HK1: variants seen among roughly 807,000 people sequenced by gnomAD.
HK1 encodes hexokinase-1.
A neutral mutation model predicts 91.6 loss-of-function variants in HK1; 28 were observed. The ratio of observed to expected loss-of-function variants is 0.31; its 90% CI spans 0.23 to 0.42. The LOEUF is 0.42. HK1 is among the 10% of genes least tolerant of loss of function. The probability of loss-of-function intolerance (pLI) is 1.00; values close to 1 mark genes in which losing one functional copy is unlikely to be tolerated. For synonymous variants in HK1, 430 were observed against 468.1 expected (o/e 0.92, Z 1.05); for missense variants, 770 against 1,219.8 (o/e 0.63, Z 5.49).
At chr10:69,294,565 T>C (rs1187810900) in intron 3 of HK1, among the ~76,000 whole-genome samples, 1 of 151,766 alleles carries the variant, frequency 6.6e-6, no homozygotes, top group Non-Finnish European at 1.5e-5. Flanking sequence ...GTACAAAAAC[T>C]AAAAAATGTG....
intron 8 of HK1, among the ~76,000 whole-genome samples, chr10:69,378,660 C>T (rs10128334): frequency 0.28 from 42,372 of 151,758 alleles, 6,615 homozygotes; most frequent in African/African-American, 0.43. Flanking sequence ...CCTCAGGTGA[C>T]CCTCCCACTT....
At chr10:69,350,361 T>C (rs960237668) in intron 2 of HK1, among the ~76,000 whole-genome samples, 3 of 152,224 alleles carry the variant, frequency 2.0e-5, no homozygotes, top group African/African-American at 7.2e-5. Context: ...TATCTTGTTG[T>C]CCTTAACAGA....
At chr10:69,310,652 T>C (rs1846328637) in intron 5 of HK1, among the ~76,000 whole-genome samples, 1 of 152,172 alleles carries the variant, frequency 6.6e-6, no homozygotes, top group South Asian at 2.1e-4. Context: ...GAGCAGCCAG[T>C]AGCCCATGAC....
chr10:69,395,439 G>A (rs1232611827), intron 16 of HK1, among the ~76,000 whole-genome samples: 6 of 152,122 alleles, frequency 3.9e-5, no homozygotes, highest in Admixed American at 6.5e-5. Flanking sequence ...TTAGCTGGGT[G>A]TGGTGGCATA....
chr10:69,346,263 T>C (rs1848554292), intron 2 of HK1, among the ~76,000 whole-genome samples: 1 of 152,234 alleles, frequency 6.6e-6, no homozygotes, highest in Admixed American at 6.5e-5. Flanking sequence ...GAATTAGTGG[T>C]AATCCCAAAC....
rs191716659 is a variant in HK1, at chr10:69,297,805, A to G, written c.-67+2125A>G. ...CAACTACTTGGGAGGCTGAGGCACG[A>G]GAATCGCTTGAACCTGGGAGGCGGA... On this transcript the variant is annotated intron_variant, in intron 4 of 21. Coordinates refer to the HK1 transcript ENST00000360289. Among the ~76,000 whole-genome samples, 12 of 151,312 alleles carry G rather than the reference A, an allele frequency of 7.9e-5. No individual in the cohort carries two copies. In the East Asian group the frequency reaches 2.3e-3, roughly 29 times the overall value.
chr10:69,369,700 G>A lies in HK1; in HGVS notation c.875+76G>A. On this transcript the variant is annotated intron_variant, in intron 7 of 17. Coordinates refer to ENST00000359426, the MANE Select transcript of HK1 (RefSeq NM_000188.3). This position sits in a 1 kb window ranked among gnomAD's most constrained non-coding sequence, Gnocchi z 4.4. ...TGATGAAAGATTTGGGATGGGAGATGAAAAGGGCATAAAGCCAAGTGATCA... is the reference window on the plus strand; with the variant it reads ...TGATGAAAGATTTGGGATGGGAGATAAAAAGGGCATAAAGCCAAGTGATCA... 1.5e-6 allele frequency: 2 copies of A among 1,356,654 alleles called. No individual in the cohort carries two copies. Among genetic ancestry groups the A allele is most frequent in the South Asian group, 2.4e-5 (2 of 81,762 alleles). 84.0% of individuals were successfully genotyped at this position (1,356,654 alleles called of 1,614,324 possible).
At chr10:69,278,271 A>C (rs974421124) in intron 1 of HK1, among the ~76,000 whole-genome samples, 1 of 152,208 alleles carries the variant, frequency 6.6e-6, no homozygotes, top group Non-Finnish European at 1.5e-5. Context: ...TGCTTACACT[A>C]TGGCTGCCTG....
chr10:69,398,854 C>T (rs371757180), intron 17 of HK1, 26 bp downstream of exon 17: 38 of 1,552,994 alleles, frequency 2.4e-5, no homozygotes, highest in Non-Finnish European at 2.8e-5. Context: ...AGTTGGGATG[C>T]GCAGAGCTTG....
chr10:69,337,979 CGG>C (rs1848077883), intron 1 of HK1: 1 of 154,224 alleles, frequency 6.5e-6, no homozygotes, highest in Admixed American at 6.4e-5. Flanking sequence ...GGGCTGGGGT[CGG>C]GCACAGAAAT....
At chr10:69,375,369 T>C (rs1214401983) in intron 7 of HK1, among the ~76,000 whole-genome samples, 2 of 152,206 alleles carry the variant, frequency 1.3e-5, no homozygotes, top group Non-Finnish European at 2.9e-5. Flanking sequence ...GTAGTGGCTC[T>C]GCCAGGCCTC....
chr10:69,401,273 A>C lies in HK1; in HGVS notation c.*138A>C. 7 of 864,882 alleles carry C rather than the reference A, an allele frequency of 8.1e-6. No homozygotes were observed. Among genetic ancestry groups the C allele is most frequent in the Non-Finnish European group, 1.3e-5 (7 of 539,078 alleles). The allele number at this position is 864,882 out of a possible 1,614,324, so 53.6% of individuals were successfully genotyped here. A position where few individuals can be genotyped will look rare whatever the true frequency, so the allele number is the denominator to read the frequency against. Reference sequence around the variant, plus strand: ...CGGGGAGGAAAGCAAAATCCAACTAATGGTATATATTGTAGGGTACAGAAT... The same window carrying C: ...CGGGGAGGAAAGCAAAATCCAACTACTGGTATATATTGTAGGGTACAGAAT... On this transcript the variant is annotated 3_prime_UTR_variant, in exon 18 of 18. Transcript: ENST00000359426.
intron 3 of HK1, among the ~76,000 whole-genome samples, chr10:69,294,111 T>C (rs1333401813): frequency 1.3e-5 from 2 of 152,054 alleles, no homozygotes; most frequent in South Asian, 2.1e-4. Flanking sequence ...TCCACCCGCC[T>C]CGGCCTCCCA....
chr10:69,395,625 T>C (rs1159930020), intron 16 of HK1, among the ~76,000 whole-genome samples: 1 of 152,176 alleles, frequency 6.6e-6, no homozygotes, highest in Non-Finnish European at 1.5e-5. Flanking sequence ...CCATCCTTTA[T>C]GTTGGGGCAT....
At chr10:69,284,748 C>G (rs1268353133) in intron 2 of HK1, among the ~76,000 whole-genome samples, 2 of 152,202 alleles carry the variant, frequency 1.3e-5, no homozygotes, top group Non-Finnish European at 2.9e-5. Flanking sequence ...AAGTGATTCT[C>G]CTGCCTCAGC....
At chr10:69,343,043 G>A (rs1848370361) in intron 1 of HK1, among the ~76,000 whole-genome samples, 1 of 152,160 alleles carries the variant, frequency 6.6e-6, no homozygotes, top group Admixed American at 6.5e-5. Context: ...TTGACTCGGA[G>A]GTGCAGGGCC....
intron 1 of HK1, among the ~76,000 whole-genome samples, chr10:69,271,798 G>A (rs997332514): frequency 1.3e-5 from 2 of 152,000 alleles, no homozygotes; most frequent in African/African-American, 4.8e-5. Flanking sequence ...AAGTCCTGAT[G>A]AGTGTAAACA....
chr10:69,382,057 G>C (rs1482470776), intron 9 of HK1, among the ~76,000 whole-genome samples: 3 of 152,212 alleles, frequency 2.0e-5, no homozygotes, highest in African/African-American at 7.2e-5. Context: ...TTTCTACAGT[G>C]GATGTATATG....
intron 1 of HK1, chr10:69,338,680 AGTGT>A (rs10578071): frequency 0.098 from 97,007 of 993,322 alleles, 368 homozygotes; most frequent in East Asian, 0.11. Context: ...TGGAGATGTG[AGTGT>A]GTGTGTGTGT....
Sources: allele counts gnomAD v4.1 joint callset (sites outside exome capture counted in the v4.1 genomes callset), GRCh38; gene constraint gnomAD v4.1.1; non-coding constraint Gnocchi (gnomAD v3.1); transcripts MANE v1.5; gene names NCBI Gene and HGNC (gene_info 2026-07-23, HGNC 2026-07-21).